The following PIGF variants were observed in gnomAD, a reference collection of about 807,000 sequenced individuals.
The protein encoded by PIGF is GPI ethanolamine phosphate transferase, stabilizing subunit.
A neutral mutation model predicts 26.0 loss-of-function variants in PIGF; 23 were observed. The ratio of observed to expected loss-of-function variants is 0.88; its 90% CI spans 0.64 to 1.25. The LOEUF (loss-of-function observed/expected upper bound fraction) is 1.25. Ranked by LOEUF, PIGF falls within the 50% of genes most tolerant of loss-of-function variation. PIGF has a pLI of 0.00. For synonymous variants in PIGF, 93 were observed against 92.6 expected (o/e 1.00, Z -0.03); for missense variants, 278 against 249.9 (o/e 1.11, Z -0.76).
intron 4 of PIGF, among the ~76,000 whole-genome samples, chr2:46,598,529 A>ATTTGTTTTTTTTTTTTT (rs1669958188): frequency 9.7e-6 from 1 of 103,528 alleles, no homozygotes; most frequent in Non-Finnish European, 1.8e-5. Context: ...ACATTATGAG[A>ATTTGTTTTTTTTTTTTT]TTTTTTTTTT....
rs1042962264 is a variant in PIGF, at chr2:46,592,527, C to T, written c.494G>A (p.Gly165Glu). The change falls in exon 5 of 6, where the codon GGA becomes GAA. Residue 165 changes from glycine (G) to glutamate (E), a missense_variant. By Grantham distance (98) the Gly-to-Glu change is moderately conservative. Transcript: ENST00000281382. ...AATAGGAAGTGCTCCAAGCCATGCTCCTACAAAGCTAGAAATTGTAGTGAT... is the reference window on the plus strand; with the variant it reads ...AATAGGAAGTGCTCCAAGCCATGCTTCTACAAAGCTAGAAATTGTAGTGAT... ...LQITTISSFV[G>E]AWLGALPIPL... The T allele has an allele frequency of 6.2e-7, 1 of 1,611,606 alleles. No homozygotes were observed. The highest frequency in any genetic ancestry group is 1.3e-5 in the African/African-American group (1 of 74,888).
chr2:46,616,253 T>C (rs1354316569), intron 1 of PIGF: 1 of 152,358 alleles, frequency 6.6e-6, no homozygotes, highest in East Asian at 1.9e-4. Flanking sequence ...GGAAATACAC[T>C]AGGCATGAAA....
chr2:46,615,097 CTT>C lies in PIGF; in HGVS notation c.66_67del (p.Ser23CysfsTer46). ...CAAGAAGAGTGATGGAATGAAGACA[CTT>C]AGGATAATTGAAAATATGCATAAAA... On this transcript the variant is annotated frameshift_variant, in exon 2 of 6. Coordinates refer to ENST00000281382, the MANE Select transcript of PIGF (RefSeq NM_002643.4). LOFTEE classifies it high-confidence loss of function. The C allele has an allele frequency of 1.3e-6, 2 of 1,585,316 alleles. No individual in the cohort carries two copies. Among genetic ancestry groups the C allele is most frequent in the Non-Finnish European group, 1.7e-6 (2 of 1,153,828 alleles).
At chr2:46,592,256 C>CA (rs1286466037) in intron 5 of PIGF, among the ~76,000 whole-genome samples, 1 of 152,012 alleles carries the variant, frequency 6.6e-6, no homozygotes, top group Non-Finnish European at 1.5e-5. Flanking sequence ...TACACATGTG[C>CA]AAAAAATAGT....
At chr2:46,593,236 G>A (rs919920371) in intron 4 of PIGF, among the ~76,000 whole-genome samples, 5 of 150,892 alleles carry the variant, frequency 3.3e-5, no homozygotes, top group Admixed American at 1.3e-4. Context: ...GGGTTCAAGC[G>A]ATTCTCCTGC....
At chr2:46,597,631 C>T (rs894578423) in intron 4 of PIGF, among the ~76,000 whole-genome samples, 2 of 152,046 alleles carry the variant, frequency 1.3e-5, no homozygotes, top group Non-Finnish European at 1.5e-5. Flanking sequence ...AGGCTGGTCT[C>T]GAACTCCTGA....
chr2:46,614,035 A>T, intron 2 of PIGF: 1 of 364,994 alleles, frequency 2.7e-6, no homozygotes, highest in Non-Finnish European at 5.0e-6. Context: ...TGAGTCGAAA[A>T]GAGGTTCTGT....
intron 4 of PIGF, among the ~76,000 whole-genome samples, chr2:46,597,008 A>C (rs1669909203): frequency 6.6e-6 from 1 of 152,218 alleles, no homozygotes; most frequent in African/African-American, 2.4e-5. Flanking sequence ...CCTGTCATTA[A>C]GTAATTTTCA....
intron 4 of PIGF, among the ~76,000 whole-genome samples, chr2:46,594,605 G>A (rs538071135): frequency 2.0e-5 from 3 of 151,496 alleles, no homozygotes; most frequent in Admixed American, 6.6e-5. Flanking sequence ...GAGTGATCTC[G>A]GATCACTGCA....
chr2:46,615,296 A>T, intron 1 of PIGF, 111 bp from the exon 2 acceptor site: 1 of 590,490 alleles, frequency 1.7e-6, no homozygotes, highest in East Asian at 2.8e-5. Context: ...TGAGCAATGT[A>T]TTTGTTTCAA....
intron 4 of PIGF, among the ~76,000 whole-genome samples, chr2:46,610,354 T>C (rs949990271): frequency 6.6e-6 from 1 of 152,136 alleles, no homozygotes; most frequent in Non-Finnish European, 1.5e-5. Flanking sequence ...AGTAATAAGA[T>C]TTCAATCCAA....
chr2:46,611,704 T>C lies in PIGF; in HGVS notation c.437+524A>G, dbSNP rs550741599. ...AGAAGCTAAAATTTTAACTTAGCCATGCTGAAAATATATACGGCCACCAAG... is the reference window on the plus strand; with the variant it reads ...AGAAGCTAAAATTTTAACTTAGCCACGCTGAAAATATATACGGCCACCAAG... On this transcript the variant is annotated intron_variant, in intron 4 of 5. Coordinates refer to ENST00000281382, the MANE Select transcript of PIGF (RefSeq NM_002643.4). 4.6e-4 allele frequency among the ~76,000 whole-genome samples: 70 copies of C among 152,296 alleles called. 1 individual carries two copies. Among genetic ancestry groups the C allele is most frequent in the Admixed American group, 3.2e-3 (49 of 15,298 alleles).
At position 46,588,280 on chromosome 2, in the gene PIGF, C is replaced by T. The variant is rs1041257507; in HGVS notation, c.546+4195G>A. 3 of 1,434,902 alleles carry T rather than the reference C, an allele frequency of 2.1e-6. No homozygotes were observed. Among genetic ancestry groups the T allele is most frequent in the Non-Finnish European group, 2.8e-6 (3 of 1,070,954 alleles). 88.9% of individuals were successfully genotyped at this position (1,434,902 alleles called of 1,614,324 possible). ...TAGATAAATTAACAGTCCACTCTAC[C>T]AACTGAAAGACTGCTGGGCAGAAAA... is the stretch of plus-strand genomic sequence containing the variant. On this transcript the variant is annotated intron_variant, in intron 5 of 5. Coordinates refer to ENST00000281382, the MANE Select transcript of PIGF (RefSeq NM_002643.4). The surrounding 1 kb of genome is among the most constrained non-coding windows in gnomAD (Gnocchi z 4.1).
chr2:46,605,156 G>A (rs2104117310), intron 4 of PIGF, among the ~76,000 whole-genome samples: 1 of 152,060 alleles, frequency 6.6e-6, no homozygotes, highest in South Asian at 2.1e-4. Context: ...GCTTAAAAGT[G>A]AACATTTAAG....
At position 46,588,886 on chromosome 2, in the gene PIGF, TAAC is replaced by T. The variant is rs1258533663; in HGVS notation, c.546+3586_546+3588del. Among the ~76,000 whole-genome samples the T allele has an allele frequency of 1.3e-5, 2 of 152,110 alleles. No homozygotes were observed. The highest frequency in any genetic ancestry group is 2.4e-5 in the African/African-American group (1 of 41,444). On this transcript the variant is annotated intron_variant, in intron 5 of 5. Transcript: ENST00000281382. This position sits in a 1 kb window ranked among gnomAD's most constrained non-coding sequence, Gnocchi z 4.1. ...AGAACATATGCTATGCATACAGTAA[TAAC>T]AACAAATACTTATTGATTAGCTATT...
At chr2:46,601,398 T>G (rs1670049690) in intron 4 of PIGF, among the ~76,000 whole-genome samples, 1 of 152,110 alleles carries the variant, frequency 6.6e-6, no homozygotes, top group Admixed American at 6.6e-5. Flanking sequence ...CCATTTTGAG[T>G]GCCTACTACG....
intron 4 of PIGF, among the ~76,000 whole-genome samples, chr2:46,596,325 T>C (rs2104092210): frequency 6.6e-6 from 1 of 152,226 alleles, no homozygotes; most frequent in East Asian, 1.9e-4. Flanking sequence ...TCCAGCACAC[T>C]TGTGGCCATC....
At chr2:46,616,342 G>C (rs750403859) in intron 1 of PIGF, 1 of 152,256 alleles carries the variant, frequency 6.6e-6, no homozygotes, top group Non-Finnish European at 1.5e-5. Context: ...AGGGCAAGGG[G>C]ATCAGGAATC....
At position 46,615,035 on chromosome 2, in the gene PIGF, A is replaced by T; in HGVS notation, c.130T>A (p.Leu44Met). ...GTTACAAAACCAGAACAGATGCACAACCATGTCAAGTGTGTTTCCAATATT... is the reference window on the plus strand; with the variant it reads ...GTTACAAAACCAGAACAGATGCACATCCATGTCAAGTGTGTTTCCAATATT... ...FSILETHLTWLCICSGFVTAV... is the reference protein window; with the variant it reads ...FSILETHLTWMCICSGFVTAV... Residue 44 changes from leucine to methionine, a missense_variant, in exon 2 of 6, where the codon TTG becomes ATG. Coordinates refer to ENST00000281382, the MANE Select transcript of PIGF (RefSeq NM_002643.4). 1 of 1,607,584 alleles carries T rather than the reference A, an allele frequency of 6.2e-7. No individual in the cohort carries two copies. The highest frequency in any genetic ancestry group is 1.3e-5 in the African/African-American group (1 of 74,922).
Sources: gnomAD v4.1 joint callset for allele counts (sites outside exome capture counted in the v4.1 genomes callset) on GRCh38, gnomAD v4.1.1 for gene constraint, Gnocchi (gnomAD v3.1) non-coding constraint, MANE v1.5 for transcripts, NCBI Gene and HGNC (gene_info 2026-07-23, HGNC 2026-07-21) for gene names.